The following NUP205 variants were observed in gnomAD, a reference collection of about 807,000 sequenced individuals.
NUP205 encodes nucleoporin 205, also known as nuclear pore complex protein Nup205.
A neutral mutation model predicts 253.8 loss-of-function variants in NUP205; 76 were observed. The observed-to-expected ratio is 0.30, with a 90% CI of 0.25 to 0.36. The LOEUF (loss-of-function observed/expected upper bound fraction) is 0.36, where lower values mean the gene tolerates loss of function less well. Among genes scored for constraint, NUP205 ranks in the 10% least tolerant of loss-of-function variants. NUP205 has a pLI of 1.00. For synonymous variants in NUP205, 832 were observed against 850.1 expected, an observed-to-expected ratio of 0.98 and a Z score of 0.37; for missense variants, 2,162 against 2,425.5, an observed-to-expected ratio of 0.89 and a Z score of 2.28.
rs374797393 is a variant in NUP205 at position 135,559,006 on chromosome 7, C to T, written c.28+1034C>T. Reference sequence around the variant, plus strand: ...TAAATTATAATGAAGGCTATGTTTACTGAACACATACTATATCCCAGCATT... The same window carrying T: ...TAAATTATAATGAAGGCTATGTTTATTGAACACATACTATATCCCAGCATT... On this transcript the variant is annotated intron_variant, in intron 1 of 42. Coordinates refer to ENST00000285968, the MANE Select transcript of NUP205 (RefSeq NM_015135.3). Among the ~76,000 whole-genome samples, 15 of 152,302 alleles carry T rather than the reference C, an allele frequency of 9.8e-5. No homozygotes were observed. The East Asian group carries it at 1.9e-3, about 20-fold the overall frequency.
chr7:135,598,196 G>A lies in NUP205; in HGVS notation c.2263G>A (p.Ala755Thr), dbSNP rs1793889286. The change falls in exon 15 of 43, where the codon GCA becomes ACA. Residue 755 changes from alanine (A) to threonine (T), a missense_variant. Transcript: ENST00000285968. ...LRFRTRAYRR[A>T]AEKWEVAEVV... ...ATTCCGTACAAGAGCTTACCGGAGA[G>A]CAGCTGAAAAGGTTATGTTCAGAGA... 1.9e-6 allele frequency: 3 copies of A among 1,614,040 alleles called. No individual in the cohort carries two copies. The East Asian group carries it at 6.7e-5, about 36-fold the overall frequency.
intron 33 of NUP205, 129 bp from the exon 34 acceptor site, chr7:135,627,844 C>CA: frequency 1.3e-6 from 1 of 792,444 alleles, no homozygotes; most frequent in Non-Finnish European, 2.1e-6. Flanking sequence ...ATATGGGATG[C>CA]AGAGTACTCA....
intron 34 of NUP205, among the ~76,000 whole-genome samples, chr7:135,629,356 T>G (rs1794657232): frequency 6.6e-6 from 1 of 152,064 alleles, no homozygotes; most frequent in Admixed American, 6.5e-5. Context: ...AAAGGAGAGT[T>G]ATGGCCAGGT....
At chr7:135,645,945 G>A in intron 41 of NUP205, 1 of 590,270 alleles carries the variant, frequency 1.7e-6, no homozygotes, top group South Asian at 2.2e-5. Context: ...GATCCCTTAG[G>A]TGGAAGGAAA....
At chr7:135,561,967 G>A (rs897985208) in intron 1 of NUP205, among the ~76,000 whole-genome samples, 5 of 150,242 alleles carry the variant, frequency 3.3e-5, no homozygotes, top group Middle Eastern at 6.8e-3. Flanking sequence ...GCCCAGGCTG[G>A]AGTGCAGTGG....
chr7:135,624,021 A>T (rs1276614113), intron 31 of NUP205, among the ~76,000 whole-genome samples: 1 of 152,112 alleles, frequency 6.6e-6, no homozygotes, highest in Non-Finnish European at 1.5e-5. Flanking sequence ...TGACCTCGTG[A>T]TCCTCCCGCC....
At chr7:135,585,135 C>T in intron 8 of NUP205, 128 bp downstream of exon 8, 1 of 661,940 alleles carries the variant, frequency 1.5e-6, no homozygotes, top group Non-Finnish European at 2.5e-6. Context: ...TTGCCAGTAG[C>T]TGTATTACAT....
At chr7:135,624,852 A>G (rs1212908501) in intron 31 of NUP205, among the ~76,000 whole-genome samples, 3 of 152,180 alleles carry the variant, frequency 2.0e-5, no homozygotes, top group Admixed American at 2.0e-4. Flanking sequence ...CAGCTGTTAA[A>G]AAAATTTCTT....
chr7:135,631,868 G>C (rs1794721846), intron 35 of NUP205, among the ~76,000 whole-genome samples: 1 of 151,584 alleles, frequency 6.6e-6, no homozygotes, highest in Admixed American at 6.6e-5. Flanking sequence ...TCCTGCCTCA[G>C]CCTCCCGAGC....
At chr7:135,589,493 G>C (rs1279137379) in intron 10 of NUP205, among the ~76,000 whole-genome samples, 1 of 150,994 alleles carries the variant, frequency 6.6e-6, no homozygotes, top group Non-Finnish European at 1.5e-5. Flanking sequence ...TCTCCATGTT[G>C]GTCAGGCTGG....
intron 12 of NUP205, 31 bp from the exon 13 acceptor site, chr7:135,594,516 A>G: frequency 2.6e-6 from 4 of 1,530,162 alleles, no homozygotes; most frequent in Admixed American, 2.1e-5. Context: ...TTAAAAATGG[A>G]AAGTCTCATT....
intron 38 of NUP205, among the ~76,000 whole-genome samples, chr7:135,641,676 G>GTGGATCCTAGCTACT (rs1794917283): frequency 8.4e-6 from 1 of 118,944 alleles, no homozygotes; most frequent in African/African-American, 3.1e-5. Flanking sequence ...GGAGGCTGAG[G>GTGGATCCTAGCTACT]TGGGAGGATC....
At chr7:135,613,171 G>C (rs1403817995) in intron 22 of NUP205, among the ~76,000 whole-genome samples, 1 of 151,272 alleles carries the variant, frequency 6.6e-6, no homozygotes. Flanking sequence ...AAAACAGATG[G>C]ACATTTTTTA....
intron 7 of NUP205, among the ~76,000 whole-genome samples, chr7:135,581,217 AC>A (rs1806294667): frequency 6.6e-6 from 1 of 152,228 alleles, no homozygotes; most frequent in Admixed American, 6.5e-5. Flanking sequence ...GACTTCTGAA[AC>A]TTTTATCAAA....
intron 18 of NUP205, 58 bp from the exon 19 acceptor site, chr7:135,604,282 A>G (rs548957823): frequency 1.3e-6 from 2 of 1,500,222 alleles, no homozygotes; most frequent in South Asian, 2.6e-5. Flanking sequence ...CTTTATTGAG[A>G]ATAGTGAGAC....
Position 135,619,426 on chromosome 7 carries a change from C to A in NUP205, c.3967C>A (p.Leu1323Met). 1 of 1,612,214 alleles carries A rather than the reference C, an allele frequency of 6.2e-7. No homozygotes were observed. Among genetic ancestry groups the A allele is most frequent in the South Asian group, 1.1e-5 (1 of 90,976 alleles). ...DILQDVHDKILDDEAAQELMP... is the reference protein window; with the variant it reads ...DILQDVHDKIMDDEAAQELMP... ...TAATTTGCCCTTGTCCTTTAAGATA[C>A]TGGATGATGAAGCTGCGCAAGAGTT... is the stretch of plus-strand genomic sequence containing the variant. The change falls in exon 29 of 43, where the codon CTG becomes ATG. Residue 1323 changes from leucine (L) to methionine (M), a missense_variant. Around this residue, in one of 5 missense-constraint regions of NUP205, gnomAD observed 1,144 missense variants for 1,280.9 expected, o/e 0.89. Transcript: ENST00000285968.
intron 23 of NUP205, 107 bp from the exon 24 acceptor site, chr7:135,615,809 T>G: frequency 1.6e-6 from 1 of 616,130 alleles, no homozygotes. Flanking sequence ...TTTCATAAAT[T>G]ATTGACTTTG....
At chr7:135,603,317 G>C (rs1794004541) in intron 18 of NUP205, among the ~76,000 whole-genome samples, 1 of 151,730 alleles carries the variant, frequency 6.6e-6, no homozygotes, top group Non-Finnish European at 1.5e-5. Context: ...GTTTCACCAT[G>C]TTGGTGAGGC....
At chr7:135,623,339 G>C (rs1794516679) in intron 31 of NUP205, among the ~76,000 whole-genome samples, 1 of 125,396 alleles carries the variant, frequency 8.0e-6, no homozygotes, top group African/African-American at 2.5e-5. Flanking sequence ...TACATATTAA[G>C]AATCATTTTT....
Sources: allele counts gnomAD v4.1 joint callset (sites outside exome capture counted in the v4.1 genomes callset), GRCh38; gene constraint gnomAD v4.1.1; regional missense constraint gnomAD v4.1.1; transcripts MANE v1.5; gene names NCBI Gene and HGNC (gene_info 2026-07-23, HGNC 2026-07-21).